The following AFAP1L1 variants were observed in gnomAD, a reference collection of about 807,000 sequenced individuals.
AFAP1L1 encodes actin filament-associated protein 1-like 1.
A neutral mutation model predicts 99.8 loss-of-function variants in AFAP1L1; 77 were observed. The ratio of observed to expected loss-of-function variants is 0.77; its 90% confidence interval spans 0.64 to 0.93. The LOEUF (loss-of-function observed/expected upper bound fraction) is 0.93, where lower values mean the gene tolerates loss of function less well. AFAP1L1 is among the 40% of genes least tolerant of loss of function. The pLI, the probability that AFAP1L1 is intolerant of heterozygous loss-of-function variation, is 0.00. For missense variants in AFAP1L1, 893 were observed against 996.8 expected (o/e 0.90, Z 1.40); for synonymous variants, 373 against 395.3 (o/e 0.94, Z 0.67).
chr5:149,302,630 C>G, intron 5 of AFAP1L1, 104 bp downstream of exon 5: 1 of 957,010 alleles, frequency 1.0e-6, no homozygotes, highest in South Asian at 1.6e-5. Flanking sequence ...AGCCTGTCAC[C>G]CTCCCAACCA....
chr5:149,277,350 ATCCAT>A (rs1275370765), intron 1 of AFAP1L1, among the ~76,000 whole-genome samples: 2 of 152,204 alleles, frequency 1.3e-5, no homozygotes, highest in African/African-American at 2.4e-5. Flanking sequence ...TGATCTGAGA[ATCCAT>A]TCTGCCTGTG....
chr5:149,299,371 G>A, intron 1 of AFAP1L1, 138 bp from the exon 2 acceptor site: 1 of 1,160,854 alleles, frequency 8.6e-7, no homozygotes, highest in Non-Finnish European at 1.2e-6. Flanking sequence ...GGACAGCTGA[G>A]AGCCCCCAGG....
intron 11 of AFAP1L1, among the ~76,000 whole-genome samples, chr5:149,317,291 G>A (rs975883429): frequency 3.9e-5 from 6 of 152,176 alleles, no homozygotes; most frequent in African/African-American, 1.4e-4. Flanking sequence ...CTAAACCTGT[G>A]GGTCATTAGC....
chr5:149,298,857 C>T (rs778773885), intron 1 of AFAP1L1, among the ~76,000 whole-genome samples: 6 of 152,168 alleles, frequency 3.9e-5, no homozygotes, highest in African/African-American at 9.7e-5. Flanking sequence ...CGGATCCCAC[C>T]GCACACCTCC....
At chr5:149,326,291 C>T (rs1198714164) in intron 15 of AFAP1L1, among the ~76,000 whole-genome samples, 2 of 152,178 alleles carry the variant, frequency 1.3e-5, no homozygotes, top group East Asian at 3.9e-4. Flanking sequence ...GTCATCCCAA[C>T]ACTTTGGGAG....
At chr5:149,280,181 A>C (rs1209510834) in intron 1 of AFAP1L1, among the ~76,000 whole-genome samples, 2 of 152,234 alleles carry the variant, frequency 1.3e-5, no homozygotes, top group Non-Finnish European at 2.9e-5. Flanking sequence ...AGAAATGTAG[A>C]CTTCATCATT....
chr5:149,333,364 A>G (rs937839304), intron 17 of AFAP1L1, among the ~76,000 whole-genome samples: 14 of 152,302 alleles, frequency 9.2e-5, no homozygotes, highest in Admixed American at 5.2e-4. Flanking sequence ...CAAACCCAGG[A>G]AGTCTAACTC....
intron 11 of AFAP1L1, 58 bp from the exon 12 acceptor site, chr5:149,317,671 G>T: frequency 1.3e-6 from 2 of 1,584,362 alleles, no homozygotes; most frequent in South Asian, 2.3e-5. Flanking sequence ...GAGCCGCCTT[G>T]CGTCCCCATG....
rs2127603179 is a variant in AFAP1L1, at chr5:149,329,688, CAAG to C, written c.1836_1838del (p.Lys612del). The C allele has an allele frequency of 6.2e-7, 1 of 1,613,580 alleles. No homozygotes were observed. Among genetic ancestry groups the C allele is most frequent in the East Asian group, 2.2e-5 (1 of 44,876 alleles). On this transcript the variant is annotated inframe_deletion, in exon 16 of 19. Transcript: ENST00000296721. ...CAGGTGCCAATCAATACAAGTATGGCAAGAACCGAGCCGAGGAGGATGCCCGGA... is the reference window on the plus strand; with the variant it reads ...CAGGTGCCAATCAATACAAGTATGGCAACCGAGCCGAGGAGGATGCCCGGA...
At chr5:149,335,568 A>G (rs1757383638) in intron 17 of AFAP1L1, 26 bp from the exon 18 acceptor site, 2 of 1,611,212 alleles carry the variant, frequency 1.2e-6, no homozygotes, top group African/African-American at 1.3e-5. Context: ...GATCTCACCT[A>G]TATAATTATT....
intron 1 of AFAP1L1, among the ~76,000 whole-genome samples, chr5:149,280,260 A>G (rs1755474329): frequency 6.6e-6 from 1 of 152,158 alleles, no homozygotes. Context: ...ATTATTGGGA[A>G]ATATATCTTG....
At chr5:149,303,694 A>G (rs1756305006) in intron 5 of AFAP1L1, among the ~76,000 whole-genome samples, 1 of 152,232 alleles carries the variant, frequency 6.6e-6, no homozygotes, top group South Asian at 2.1e-4. Flanking sequence ...AAACACACAC[A>G]CACACATGCA....
At chr5:149,310,223 G>A in intron 8 of AFAP1L1, 88 bp downstream of exon 8, 1 of 1,442,358 alleles carries the variant, frequency 6.9e-7, no homozygotes, top group Non-Finnish European at 9.2e-7. Flanking sequence ...CCTGTCCCTG[G>A]AAGAGCCTCT....
chr5:149,340,269 G>A lies in AFAP1L1; in HGVS notation c.*239G>A. 2.0e-6 allele frequency: 1 copy of A among 511,124 alleles called. No homozygotes were observed. The highest frequency in any genetic ancestry group is 3.1e-5 in the Admixed American group (1 of 31,992). The allele number at this position is 511,124 out of a possible 1,614,324, so 31.7% of individuals were successfully genotyped here. On this transcript the variant is annotated 3_prime_UTR_variant, in exon 19 of 19. Transcript: ENST00000296721. The stretch of plus-strand genomic sequence containing the variant: ...CTTTACAAAGGGTGGAAATGAGGAT[G>A]GAGGGATACAGAAGTCTGCACAGCT...
In AFAP1L1 at chr5:149,306,382, G is replaced by T; in HGVS notation, c.513G>T (p.Val171=). 1 of 1,612,720 alleles carries T rather than the reference G, an allele frequency of 6.2e-7. No individual in the cohort carries two copies. The highest frequency in any genetic ancestry group is 1.1e-5 in the South Asian group (1 of 90,692). Residue 171 remains valine (V), a synonymous_variant, in exon 6 of 19, where the codon GTG becomes GTT. Coordinates refer to ENST00000296721, the MANE Select transcript of AFAP1L1 (RefSeq NM_152406.4). ...ACAGCAGCTACCCTGCAACCAGGGT[G>T]AACGGCGAGCTTAAGAGCTCCTGTA... The part of the protein sequence containing the change: ...DADSSYPATR[V]NGELKSSYND...
intron 1 of AFAP1L1, among the ~76,000 whole-genome samples, 167 bp from the exon 2 acceptor site, chr5:149,299,342 G>A (rs548255796): frequency 6.6e-6 from 1 of 152,290 alleles, no homozygotes; most frequent in Non-Finnish European, 1.5e-5. Flanking sequence ...CCTCTCACGG[G>A]AGCTGCGTGG....
rs11325171 is a variant in AFAP1L1 at position 149,342,909 on chromosome 5, CAAA to C, written c.*2890_*2892del. On this transcript the variant is annotated 3_prime_UTR_variant, in exon 19 of 19. Transcript: ENST00000296721. ...CCTGGGCAATAGCAAGACTCCATCT[CAAA>C]AAAAAAAAAATGCCTTATTTGGTTG... Among the ~76,000 whole-genome samples the C allele has an allele frequency of 6.9e-6, 1 of 145,892 alleles. No homozygotes were observed. The highest frequency in any genetic ancestry group is 2.5e-5 in the African/African-American group (1 of 39,700).
intron 15 of AFAP1L1, among the ~76,000 whole-genome samples, chr5:149,326,076 C>G (rs923154352): frequency 6.6e-6 from 1 of 152,160 alleles, no homozygotes; most frequent in African/African-American, 2.4e-5. Flanking sequence ...GCCATAAGAA[C>G]AGAGAACTCC....
chr5:149,283,193 T>C (rs1229164329), intron 1 of AFAP1L1, among the ~76,000 whole-genome samples: 6 of 152,212 alleles, frequency 3.9e-5, no homozygotes, highest in South Asian at 2.1e-4. Flanking sequence ...CCACATGTCA[T>C]TGACGTGGTT....
Sources: allele counts gnomAD v4.1 joint callset (sites outside exome capture counted in the v4.1 genomes callset), GRCh38; gene constraint gnomAD v4.1.1; transcripts MANE v1.5; gene names NCBI Gene and HGNC (gene_info 2026-07-23, HGNC 2026-07-21).